PXDNL: variants seen among roughly 807,000 people sequenced by gnomAD.
PXDNL encodes the protein probable oxidoreductase PXDNL.
A neutral mutation model predicts 150.8 loss-of-function variants in PXDNL; 145 were observed. That is an observed-to-expected ratio of 0.96 (90% confidence interval 0.84 to 1.10). The LOEUF (loss-of-function observed/expected upper bound fraction) is 1.10, where lower values mean the gene tolerates loss of function less well. Among genes scored for constraint, PXDNL ranks in the 50% least tolerant of loss-of-function variants. The probability of loss-of-function intolerance (pLI) is 0.00; values close to 1 mark genes in which losing one functional copy is unlikely to be tolerated. For synonymous variants in PXDNL, 757 were observed against 725.7 expected (o/e 1.04, Z -0.69); for missense variants, 2,087 against 1,873.9 (o/e 1.11, Z -2.10).
intron 1 of PXDNL, among the ~76,000 whole-genome samples, chr8:51,750,106 T>A (rs142751141): frequency 1.0e-3 from 158 of 152,340 alleles, no homozygotes; most frequent in Non-Finnish European, 2.0e-3. Flanking sequence ...TTTTTATCCT[T>A]GTGTAACACT....
At chr8:51,367,323 G>A (rs1806953600) in intron 19 of PXDNL, among the ~76,000 whole-genome samples, 1 of 151,730 alleles carries the variant, frequency 6.6e-6, no homozygotes, top group South Asian at 2.1e-4. Flanking sequence ...AAAAACCATG[G>A]AAAAAGCTGT....
chr8:51,716,978 T>A (rs971645483), intron 1 of PXDNL, among the ~76,000 whole-genome samples: 1 of 152,148 alleles, frequency 6.6e-6, no homozygotes, highest in African/African-American at 2.4e-5. Flanking sequence ...TAACAGAAAA[T>A]CCTAATCAGA....
chr8:51,474,284 C>A (rs1045300655), intron 7 of PXDNL, among the ~76,000 whole-genome samples: 2 of 151,726 alleles, frequency 1.3e-5, no homozygotes, highest in Admixed American at 6.6e-5. Flanking sequence ...CTATTTAAAC[C>A]GAAATATAGG....
intron 12 of PXDNL, among the ~76,000 whole-genome samples, chr8:51,430,668 GAATAA>G (rs35228305): frequency 0.73 from 110,762 of 151,278 alleles, 42,045 homozygotes; most frequent in Non-Finnish European, 0.84. Context: ...CTGTTCGCTG[GAATAA>G]AGTCTCTGCT....
chr8:51,522,034 C>CT (rs1435108118), intron 4 of PXDNL, among the ~76,000 whole-genome samples: 1 of 152,110 alleles, frequency 6.6e-6, no homozygotes, highest in African/African-American at 2.4e-5. Context: ...AGGTCAGAAA[C>CT]TGGGATCTAT....
At chr8:51,523,944 C>T (rs1009623660) in intron 4 of PXDNL, among the ~76,000 whole-genome samples, 2 of 152,008 alleles carry the variant, frequency 1.3e-5, no homozygotes, top group African/African-American at 2.4e-5. Context: ...TTAAAGAGAC[C>T]GATGGGGAAA....
At position 51,452,623 on chromosome 8, in the gene PXDNL, G is replaced by T. The variant is rs111703738; in HGVS notation, c.1249+896C>A. 8.7e-3 allele frequency among the ~76,000 whole-genome samples: 1,324 copies of T among 152,264 alleles called. 26 individuals are homozygous for T. The highest frequency in any genetic ancestry group is 0.031 in the African/African-American group (1,279 of 41,540). ...CTGAAGCCCTCCCAACCCAGGCACT[G>T]CACTAGGCTGGCCACTTCCCTTTTT... On this transcript the variant is annotated intron_variant, in intron 10 of 22. Coordinates refer to ENST00000356297, the MANE Select transcript of PXDNL (RefSeq NM_144651.5).
chr8:51,446,866 T>A, intron 12 of PXDNL, 138 bp downstream of exon 12: 1 of 513,000 alleles, frequency 1.9e-6, no homozygotes. Flanking sequence ...GAAGAAGATA[T>A]CAAATTTGCA....
intron 17 of PXDNL, among the ~76,000 whole-genome samples, chr8:51,402,788 G>A (rs188640827): frequency 6.6e-6 from 1 of 152,028 alleles, no homozygotes. Context: ...GTGGCCAGGC[G>A]TGGTGTAATC....
intron 1 of PXDNL, among the ~76,000 whole-genome samples, chr8:51,714,615 G>T (rs566805828): frequency 4.6e-5 from 7 of 152,004 alleles, no homozygotes; most frequent in Non-Finnish European, 8.8e-5. Context: ...AATCAAGAAG[G>T]TATAACATTT....
intron 21 of PXDNL, among the ~76,000 whole-genome samples, chr8:51,322,690 G>C (rs901433981): frequency 6.6e-6 from 1 of 152,140 alleles, no homozygotes; most frequent in Admixed American, 6.5e-5. Context: ...AGGAGAAGAG[G>C]AGAACCCAAA....
chr8:51,759,217 C>G (rs1006745679), intron 1 of PXDNL, among the ~76,000 whole-genome samples: 7 of 152,164 alleles, frequency 4.6e-5, no homozygotes, highest in African/African-American at 1.7e-4. Flanking sequence ...CTCTAGCCAA[C>G]CTCACTGCCC....
intron 1 of PXDNL, among the ~76,000 whole-genome samples, chr8:51,707,605 C>A (rs1337740429): frequency 6.6e-6 from 1 of 152,148 alleles, no homozygotes; most frequent in East Asian, 1.9e-4. Context: ...TACTGTTCTG[C>A]AAAACACATC....
At chr8:51,756,090 C>A (rs1040362695) in intron 1 of PXDNL, among the ~76,000 whole-genome samples, 7 of 152,024 alleles carry the variant, frequency 4.6e-5, no homozygotes, top group African/African-American at 1.7e-4. Context: ...ATTACACCAT[C>A]TCTTAAAAAA....
intron 1 of PXDNL, among the ~76,000 whole-genome samples, chr8:51,661,803 T>G (rs1383527748): frequency 6.6e-6 from 1 of 151,954 alleles, no homozygotes; most frequent in Non-Finnish European, 1.5e-5. Context: ...TTGTCTGCAG[T>G]TAGTGTGGGG....
chr8:51,584,784 C>A (rs1285699294), intron 3 of PXDNL, among the ~76,000 whole-genome samples: 1 of 152,144 alleles, frequency 6.6e-6, no homozygotes, highest in Non-Finnish European at 1.5e-5. Context: ...GATTTTACTT[C>A]ATCCCAAAAA....
At chr8:51,711,030 AAG>A (rs1816486831) in intron 1 of PXDNL, among the ~76,000 whole-genome samples, 1 of 152,238 alleles carries the variant, frequency 6.6e-6, no homozygotes, top group Admixed American at 6.5e-5. Flanking sequence ...AGGTAAGAAA[AAG>A]AAATATATAA....
In PXDNL at chr8:51,319,786, G is replaced by A. The variant is rs1341813218; in HGVS notation, c.*105C>T. The A allele has an allele frequency of 8.6e-6, 9 of 1,044,480 alleles. No homozygotes were observed. The highest frequency in any genetic ancestry group is 2.6e-6 in the Non-Finnish European group (2 of 771,488). 64.7% of individuals were successfully genotyped at this position (1,044,480 alleles called of 1,614,324 possible). ...TAGATGAACTAAGTTGCTTAAGTCA[G>A]TGGTTTCCATATCAACAATGTGACT... On this transcript the variant is annotated 3_prime_UTR_variant, in exon 23 of 23. Transcript: ENST00000356297.
At chr8:51,552,925 C>A (rs1812523602) in intron 4 of PXDNL, among the ~76,000 whole-genome samples, 1 of 152,142 alleles carries the variant, frequency 6.6e-6, no homozygotes, top group African/African-American at 2.4e-5. Flanking sequence ...CAAATTTCCC[C>A]ACAGCTGTGA....
Sources: gnomAD v4.1 joint callset for allele counts (sites outside exome capture counted in the v4.1 genomes callset) on GRCh38, gnomAD v4.1.1 for gene constraint, MANE v1.5 for transcripts, NCBI Gene and HGNC (gene_info 2026-07-23, HGNC 2026-07-21) for gene names.